The following ERBB4 variants were observed in gnomAD, a reference collection of about 807,000 sequenced individuals.
ERBB4 encodes receptor tyrosine-protein kinase erbB-4.
A neutral mutation model predicts 158.0 loss-of-function variants in ERBB4; 42 were observed. The ratio of observed to expected loss-of-function variants is 0.27; its 90% CI spans 0.21 to 0.34. ERBB4 has a LOEUF of 0.34. Ranked by LOEUF, ERBB4 falls within the 10% of genes least tolerant of loss-of-function variation. ERBB4 has a pLI of 1.00. For missense variants in ERBB4, 1,333 were observed against 1,624.1 expected (o/e 0.82, Z 3.08); for synonymous variants, 583 against 558.7 (o/e 1.04, Z -0.61).
intron 1 of ERBB4, among the ~76,000 whole-genome samples, chr2:212,127,782 C>G (rs907338563): frequency 6.6e-6 from 1 of 151,924 alleles, no homozygotes; most frequent in Non-Finnish European, 1.5e-5. Flanking sequence ...AGCCCCGTGA[C>G]CAGAAAGGCA....
intron 3 of ERBB4, among the ~76,000 whole-genome samples, chr2:211,927,406 A>G (rs1312250278): frequency 6.6e-6 from 1 of 152,218 alleles, no homozygotes; most frequent in Non-Finnish European, 1.5e-5. Context: ...AACTTCATTA[A>G]TTAAAAGAAT....
intron 2 of ERBB4, among the ~76,000 whole-genome samples, chr2:212,087,019 T>C (rs1459961230): frequency 1.3e-5 from 2 of 151,992 alleles, no homozygotes; most frequent in African/African-American, 2.4e-5. Flanking sequence ...CATCCACTTA[T>C]ATTCTCCAGG....
intron 1 of ERBB4, among the ~76,000 whole-genome samples, chr2:212,218,486 G>A (rs185440869): frequency 6.6e-6 from 1 of 151,340 alleles, no homozygotes; most frequent in African/African-American, 2.4e-5. Context: ...AAGACAATAA[G>A]AAAATAGAGG....
chr2:211,383,473 A>T lies in ERBB4; in HGVS notation c.*142T>A, dbSNP rs536412311. 1 of 694,806 alleles carries T rather than the reference A, an allele frequency of 1.4e-6. No homozygotes were observed. Among genetic ancestry groups the T allele is most frequent in the South Asian group, 1.6e-5 (1 of 61,206 alleles). The allele number at this position is 694,806 out of a possible 1,614,324, so 43.0% of individuals were successfully genotyped here. On this transcript the variant is annotated 3_prime_UTR_variant, in exon 28 of 28. Coordinates refer to ENST00000342788, the MANE Select transcript of ERBB4 (RefSeq NM_005235.3). ...AATGTTCAAGTTAGGTAAGCACATA[A>T]CTATCATTGCATCTCTGTATCTTCC...
At chr2:211,974,941 A>T (rs1414779461) in intron 2 of ERBB4, among the ~76,000 whole-genome samples, 1 of 152,172 alleles carries the variant, frequency 6.6e-6, no homozygotes, top group African/African-American at 2.4e-5. Context: ...TTTAAAAAAT[A>T]TTCTTCATAA....
intron 14 of ERBB4, among the ~76,000 whole-genome samples, chr2:211,668,018 G>A (rs1024847856): frequency 6.6e-6 from 1 of 152,128 alleles, no homozygotes; most frequent in Non-Finnish European, 1.5e-5. Flanking sequence ...CCTGTATGGT[G>A]TAGCCTACTT....
intron 2 of ERBB4, among the ~76,000 whole-genome samples, chr2:212,041,791 G>A (rs552036779): frequency 6.6e-6 from 1 of 152,066 alleles, no homozygotes; most frequent in Admixed American, 6.6e-5. Context: ...TTCACTCTTT[G>A]TTCCCCATCT....
chr2:212,399,545 CATATATATAT>C (rs869111881), intron 1 of ERBB4, among the ~76,000 whole-genome samples: 680 of 37,998 alleles, frequency 0.018, 13 homozygotes, highest in African/African-American at 0.08. Flanking sequence ...TTTATATATA[CATATATATAT>C]ATATATATAT....
At chr2:212,421,542 G>A (rs1315641531) in intron 1 of ERBB4, among the ~76,000 whole-genome samples, 1 of 152,060 alleles carries the variant, frequency 6.6e-6, no homozygotes, top group Non-Finnish European at 1.5e-5. Flanking sequence ...CACTTTCCTT[G>A]GGAGCTGTCA....
At chr2:211,898,808 GT>G (rs2079161242) in intron 3 of ERBB4, among the ~76,000 whole-genome samples, 1 of 152,122 alleles carries the variant, frequency 6.6e-6, no homozygotes, top group African/African-American at 2.4e-5. Flanking sequence ...CCTGTAGTCA[GT>G]CACTTGTGTC....
chr2:211,609,341 G>C (rs1390477294), intron 19 of ERBB4, among the ~76,000 whole-genome samples: 4 of 152,138 alleles, frequency 2.6e-5, no homozygotes, highest in Non-Finnish European at 4.4e-5. Flanking sequence ...CAGTAGGAAA[G>C]AATGCATGCT....
In ERBB4 at chr2:211,704,516, T is replaced by A. The variant is rs10183337; in HGVS notation, c.1199-322A>T. ...TTTTACGTCTTCATCTGTTCACTTA[T>A]GACATCAGTGTCACCCTTGTATTCT... On this transcript the variant is annotated intron_variant, in intron 10 of 27. Transcript: ENST00000342788. Among the ~76,000 whole-genome samples the A allele has an allele frequency of 9.2e-5, 14 of 152,074 alleles. No homozygotes were observed. The East Asian group carries it at 2.7e-3, about 29-fold the overall frequency.
At chr2:211,900,037 T>A (rs2079192465) in intron 3 of ERBB4, among the ~76,000 whole-genome samples, 1 of 152,150 alleles carries the variant, frequency 6.6e-6, no homozygotes, top group African/African-American at 2.4e-5. Context: ...CTTCCATCAG[T>A]AGACAAGGTG....
At chr2:212,416,197 C>A (rs2105889747) in intron 1 of ERBB4, among the ~76,000 whole-genome samples, 1 of 152,232 alleles carries the variant, frequency 6.6e-6, no homozygotes, top group South Asian at 2.1e-4. Flanking sequence ...AGTTACCCTC[C>A]AAATGAGTCC....
intron 1 of ERBB4, among the ~76,000 whole-genome samples, chr2:212,215,379 G>C (rs1488849604): frequency 6.6e-6 from 1 of 151,404 alleles, no homozygotes; most frequent in African/African-American, 2.4e-5. Flanking sequence ...AAAAGTCTAA[G>C]AGAATCATTT....
In ERBB4 at chr2:211,889,772, G is replaced by A. The variant is rs575234799; in HGVS notation, c.421+57658C>T. ...TACGTGAAGAATGCAGAAGCCTCAG[G>A]AGCCGATGCGATCAACTGGAAGAAA... On this transcript the variant is annotated intron_variant, in intron 3 of 27. Coordinates refer to ENST00000342788, the MANE Select transcript of ERBB4 (RefSeq NM_005235.3). 5.6e-3 allele frequency among the ~76,000 whole-genome samples: 855 copies of A among 151,838 alleles called. 11 individuals carry two copies. The highest frequency in any genetic ancestry group is 0.019 in the African/African-American group (794 of 41,252).
At position 212,508,233 on chromosome 2, in the gene ERBB4, GA is replaced by G. The variant is rs200066055; in HGVS notation, c.82+30215del. 1.2e-3 allele frequency among the ~76,000 whole-genome samples: 184 copies of G among 152,228 alleles called. 1 individual carries two copies. In the East Asian group the frequency reaches 0.024, roughly 20 times the overall value. On this transcript the variant is annotated intron_variant, in intron 1 of 27. Transcript: ENST00000342788. The stretch of plus-strand genomic sequence containing the variant: ...GAAACATAACTTTTATATGTGTGGG[GA>G]AAAAATTGTTGACTTGCTTTATTGT...
intron 1 of ERBB4, among the ~76,000 whole-genome samples, chr2:212,358,602 C>A (rs868165419): frequency 6.6e-6 from 1 of 151,530 alleles, no homozygotes; most frequent in Middle Eastern, 3.5e-3. Flanking sequence ...ATATGTTTTC[C>A]ATTCCTGGAA....
At chr2:212,307,519 CAATATT>C (rs768835180) in intron 1 of ERBB4, among the ~76,000 whole-genome samples, 1 of 150,804 alleles carries the variant, frequency 6.6e-6, no homozygotes, top group Non-Finnish European at 1.5e-5. Context: ...ACCAAGAACA[CAATATT>C]AGATTGCTGT....
Sources: gnomAD v4.1 joint callset for allele counts (sites outside exome capture counted in the v4.1 genomes callset) on GRCh38, gnomAD v4.1.1 for gene constraint, MANE v1.5 for transcripts, NCBI Gene and HGNC (gene_info 2026-07-23, HGNC 2026-07-21) for gene names.